The following TRIP12 variants were observed in gnomAD, a reference collection of about 807,000 sequenced individuals.
TRIP12 encodes E3 ubiquitin-protein ligase TRIP12.
A neutral mutation model predicts 244.2 loss-of-function variants in TRIP12; 25 were observed. The observed-to-expected ratio is 0.10, with a 90% CI of 0.07 to 0.14. The LOEUF (loss-of-function observed/expected upper bound fraction) is 0.14. Among genes scored for constraint, TRIP12 ranks in the 10% least tolerant of loss-of-function variants. The probability of loss-of-function intolerance (pLI) is 1.00; values close to 1 mark genes in which losing one functional copy is unlikely to be tolerated. For synonymous variants in TRIP12, 905 were observed against 873.1 expected (o/e 1.04, Z -0.64); for missense variants, 1,677 against 2,486.4 (o/e 0.67, Z 6.92).
chr2:229,843,722 A>T (rs1359741970), intron 4 of TRIP12, among the ~76,000 whole-genome samples: 1 of 152,150 alleles, frequency 6.6e-6, no homozygotes, highest in African/African-American at 2.4e-5. Flanking sequence ...CTCCACAAAA[A>T]ATAAATAAAT....
At chr2:229,808,150 T>A in intron 16 of TRIP12, 102 bp downstream of exon 16, 1 of 888,862 alleles carries the variant, frequency 1.1e-6, no homozygotes, top group Non-Finnish European at 1.8e-6. Context: ...GTATTTTTAG[T>A]AGAGACGGGT....
At chr2:229,793,536 GA>G (rs139419466) in intron 26 of TRIP12, among the ~76,000 whole-genome samples, 203 of 146,542 alleles carry the variant, frequency 1.4e-3, no homozygotes, top group Admixed American at 3.7e-3. Flanking sequence ...TTTTTAAAAA[GA>G]AAAAAAAAAC....
intron 40 of TRIP12, 130 bp from the exon 41 acceptor site, chr2:229,768,849 A>G (rs2032979372): frequency 2.5e-6 from 2 of 787,752 alleles, no homozygotes; most frequent in Non-Finnish European, 3.8e-6. Context: ...TTCCATTACA[A>G]TGTACTTAAA....
chr2:229,768,719 A>G lies in TRIP12; in HGVS notation c.5904T>C (p.Ser1968=), dbSNP rs1195547009. 2 of 1,601,366 alleles carry G rather than the reference A, an allele frequency of 1.2e-6. No homozygotes were observed. Among genetic ancestry groups the G allele is most frequent in the African/African-American group, 2.7e-5 (2 of 73,912 alleles). Residue 1968 remains serine (S), a splice_region_variant and synonymous_variant, in exon 41 of 42, where the codon AGT becomes AGC. Transcript: ENST00000675903. ...TCTCAAACAAAAACTTCACAGCCCGACTATAACAGAAATAAATATACCAAA... is the reference window on the plus strand; with the variant it reads ...TCTCAAACAAAAACTTCACAGCCCGGCTATAACAGAAATAAATATACCAAA... ...CRPDHGYTHD[S]RAVKFLFEIL...
Position 229,774,058 on chromosome 2 carries a change from T to C in TRIP12, c.5694+39A>G, listed in dbSNP as rs142275258. 1.1e-5 allele frequency: 17 copies of C among 1,595,054 alleles called. No individual in the cohort carries two copies. In the East Asian group the frequency reaches 3.8e-4, roughly 36 times the overall value. ...GTACAATCAGGCAAAGTCCTCCGTCTTCACAACTGGCCTACCCCCCAAAGA... is the reference window on the plus strand; with the variant it reads ...GTACAATCAGGCAAAGTCCTCCGTCCTCACAACTGGCCTACCCCCCAAAGA... On this transcript the variant is annotated intron_variant, in intron 38 of 41. Coordinates refer to ENST00000675903, the MANE Select transcript of TRIP12 (RefSeq NM_001348323.3).
chr2:229,789,316 T>C (rs1274843283), intron 31 of TRIP12, among the ~76,000 whole-genome samples: 1 of 152,258 alleles, frequency 6.6e-6, no homozygotes, highest in African/African-American at 2.4e-5. Flanking sequence ...AAACTTCTGG[T>C]TACATGTACC....
intron 37 of TRIP12, 75 bp downstream of exon 37, chr2:229,777,240 T>C (rs2036565019): frequency 4.7e-6 from 7 of 1,480,568 alleles, no homozygotes; most frequent in East Asian, 2.3e-5. Flanking sequence ...CTGAGTCAAA[T>C]ACAAACTATT....
intron 7 of TRIP12, among the ~76,000 whole-genome samples, chr2:229,830,432 C>T (rs2053035463): frequency 2.6e-5 from 4 of 151,968 alleles, no homozygotes; most frequent in Admixed American, 2.0e-4. Flanking sequence ...GGATACCAGA[C>T]AAAAATATAT....
chr2:229,900,929 T>C (rs1158726414), intron 1 of TRIP12: 1 of 150,904 alleles, frequency 6.6e-6, no homozygotes, highest in Admixed American at 6.6e-5. Context: ...TATATCTCAA[T>C]AAAGCTATTT....
In TRIP12 at chr2:229,799,006, C is replaced by A; in HGVS notation, c.3351G>T (p.Leu1117=). The stretch of plus-strand genomic sequence containing the variant: ...CCCATGTTTTTGGATTCAAGCTTGC[C>A]AGGAAAGAAGATTTAGGTGACTGAG... ...TTTQSPKSSF[L]ASLNPKTWGR... Residue 1117 remains leucine, a synonymous_variant, in exon 23 of 42, where the codon CTG becomes CTT. Coordinates refer to ENST00000675903, the MANE Select transcript of TRIP12 (RefSeq NM_001348323.3). The A allele has an allele frequency of 6.2e-7, 1 of 1,614,080 alleles. No homozygotes were observed. Among genetic ancestry groups the A allele is most frequent in the Non-Finnish European group, 8.5e-7 (1 of 1,180,028 alleles).
At chr2:229,842,355 C>CA (rs1340152463) in intron 4 of TRIP12, among the ~76,000 whole-genome samples, 2 of 152,156 alleles carry the variant, frequency 1.3e-5, no homozygotes, top group African/African-American at 4.8e-5. Context: ...ACCTAAGAGA[C>CA]AGGGCATGGC....
At chr2:229,826,162 T>C (rs987342110) in intron 8 of TRIP12, among the ~76,000 whole-genome samples, 1 of 152,222 alleles carries the variant, frequency 6.6e-6, no homozygotes, top group African/African-American at 2.4e-5. Context: ...AAATTATTAA[T>C]ACTTTCTTTA....
intron 1 of TRIP12, among the ~76,000 whole-genome samples, chr2:229,903,245 G>A (rs937229681): frequency 6.6e-6 from 1 of 152,052 alleles, no homozygotes; most frequent in Non-Finnish European, 1.5e-5. Flanking sequence ...TAGAATGGCA[G>A]AGCAGAAACA....
intron 7 of TRIP12, among the ~76,000 whole-genome samples, chr2:229,830,532 A>T (rs189591795): frequency 0.011 from 1,659 of 152,352 alleles, 11 homozygotes; most frequent in Middle Eastern, 0.027. Flanking sequence ...AAACAAAAAT[A>T]AATATGTAAG....
At chr2:229,773,063 AAATT>A (rs2035017226) in intron 38 of TRIP12, among the ~76,000 whole-genome samples, 1 of 151,396 alleles carries the variant, frequency 6.6e-6, no homozygotes, top group South Asian at 2.1e-4. Context: ...CAAGCATCAC[AAATT>A]AATATATACA....
At chr2:229,800,930 A>G (rs1178279454) in intron 21 of TRIP12, among the ~76,000 whole-genome samples, 1 of 152,178 alleles carries the variant, frequency 6.6e-6, no homozygotes, top group Non-Finnish European at 1.5e-5. Flanking sequence ...AAAAGAAAAA[A>G]GGGAGAAAGG....
At chr2:229,801,852 T>A (rs1031420611) in intron 21 of TRIP12, among the ~76,000 whole-genome samples, 3 of 152,226 alleles carry the variant, frequency 2.0e-5, no homozygotes, top group African/African-American at 4.8e-5. Flanking sequence ...TCAGTATTTT[T>A]AACTGTATTA....
chr2:229,833,673 T>G (rs1424480161), intron 6 of TRIP12, among the ~76,000 whole-genome samples: 2 of 152,228 alleles, frequency 1.3e-5, no homozygotes, highest in African/African-American at 2.4e-5. Flanking sequence ...ATACCTCTGA[T>G]AGCAAGTATT....
intron 2 of TRIP12, among the ~76,000 whole-genome samples, chr2:229,877,503 GGCCTGA>G (rs2063825901): frequency 6.6e-6 from 1 of 152,012 alleles, no homozygotes; most frequent in South Asian, 2.1e-4. Flanking sequence ...ACTGCACTCC[GGCCTGA>G]GTGACAGAGT....
Sources: gnomAD v4.1 joint callset for allele counts (sites outside exome capture counted in the v4.1 genomes callset) on GRCh38, gnomAD v4.1.1 for gene constraint, MANE v1.5 for transcripts, NCBI Gene and HGNC (gene_info 2026-07-23, HGNC 2026-07-21) for gene names.